The following JAG1 variants were observed in gnomAD, a reference collection of about 807,000 sequenced individuals.
The protein encoded by JAG1 is protein jagged-1.
Under a neutral mutation model 148.7 loss-of-function variants are expected in JAG1, and 23 were observed. The observed-to-expected ratio is 0.15, with a 90% CI of 0.11 to 0.22. The LOEUF is 0.22. Among genes scored for constraint, JAG1 ranks in the 10% least tolerant of loss-of-function variants. The pLI is 1.00. For missense variants in JAG1, 1,054 were observed against 1,611.2 expected (o/e 0.65, Z 5.92); for synonymous variants, 572 against 598.3 (o/e 0.96, Z 0.64).
At chr20:10,658,133 C>A (rs1005565903) in intron 4 of JAG1, among the ~76,000 whole-genome samples, 1 of 152,202 alleles carries the variant, frequency 6.6e-6, no homozygotes, top group African/African-American at 2.4e-5. Flanking sequence ...GCAAAGGAAG[C>A]TGGGCTTTGT....
At chr20:10,666,279 G>T (rs1002458316) in intron 2 of JAG1, among the ~76,000 whole-genome samples, 1 of 152,160 alleles carries the variant, frequency 6.6e-6, no homozygotes, top group Non-Finnish European at 1.5e-5. Flanking sequence ...ATTATTAGTT[G>T]CTAGAGAACT....
chr20:10,646,201 C>G (rs987297685), intron 14 of JAG1, 117 bp from the exon 15 acceptor site: 15 of 737,830 alleles, frequency 2.0e-5, no homozygotes, highest in Non-Finnish European at 3.6e-5. Flanking sequence ...CCTCCACCTG[C>G]TACCCTCCAT....
At chr20:10,668,625 T>C (rs1230556041) in intron 2 of JAG1, among the ~76,000 whole-genome samples, 3 of 152,096 alleles carry the variant, frequency 2.0e-5, no homozygotes, top group Middle Eastern at 3.4e-3. Context: ...TTCACATTCC[T>C]GTTTTCAGAT....
At chr20:10,660,508 TTC>T (rs1190930388) in intron 3 of JAG1, among the ~76,000 whole-genome samples, 3 of 152,340 alleles carry the variant, frequency 2.0e-5, no homozygotes, top group African/African-American at 7.2e-5. Context: ...GGCATCCAGC[TTC>T]TGAGGCTGGT....
chr20:10,649,029 C>CA (rs751174763), intron 11 of JAG1, 32 bp downstream of exon 11: 1 of 1,562,666 alleles, frequency 6.4e-7, no homozygotes, highest in South Asian at 1.1e-5. Flanking sequence ...TGTCAATTGT[C>CA]AAAGTTTTGA....
rs779418088 is a variant in JAG1 at position 10,649,125 on chromosome 20, C to T, written c.1349-18G>A. ...ATTAATATCTAAAAAATAAATAAGT[C>T]ATCATTTTAAAGAGGTAATTTACAG... On this transcript the variant is annotated intron_variant, in intron 10 of 25. Coordinates refer to ENST00000254958, the MANE Select transcript of JAG1 (RefSeq NM_000214.3). 5 of 1,571,720 alleles carry T rather than the reference C, an allele frequency of 3.2e-6. No individual in the cohort carries two copies. Among genetic ancestry groups the T allele is most frequent in the Middle Eastern group, 1.7e-4 (1 of 5,998 alleles).
At position 10,639,416 on chromosome 20, in the gene JAG1, C is replaced by G; in HGVS notation, c.*82G>C. 1 of 1,239,800 alleles carries G rather than the reference C, an allele frequency of 8.1e-7. No homozygotes were observed. The highest frequency in any genetic ancestry group is 1.5e-5 in the African/African-American group (1 of 67,882). 76.8% of individuals were successfully genotyped at this position (1,239,800 alleles called of 1,614,324 possible). ...CACAGGGATTCTAAGTCAGCAACGG[C>G]CTCAGACTCGAGTATGACACGACAG... On this transcript the variant is annotated 3_prime_UTR_variant, in exon 26 of 26. Coordinates refer to ENST00000254958, the MANE Select transcript of JAG1 (RefSeq NM_000214.3).
intron 4 of JAG1, among the ~76,000 whole-genome samples, chr20:10,657,909 A>G (rs2067389015): frequency 6.6e-6 from 1 of 152,220 alleles, no homozygotes; most frequent in Non-Finnish European, 1.5e-5. Flanking sequence ...TGTTCAGACA[A>G]CAACTGGGCT....
chr20:10,646,011 G>A lies in JAG1; in HGVS notation c.1959C>T (p.Cys653=). The A allele has an allele frequency of 1.2e-6, 2 of 1,613,958 alleles. No homozygotes were observed. The highest frequency in any genetic ancestry group is 1.7e-6 in the Non-Finnish European group (2 of 1,179,842). The part of the protein sequence containing the change: ...TCIDGVNSYK[C]ICSDGWEGAY... ...CCCCCTCCCAGCCGTCACTACAGAT[G>A]CACTTGTAGGAGTTGACACCATCGA... is the stretch of plus-strand genomic sequence containing the variant. Residue 653 remains cysteine (C), a synonymous_variant, in exon 15 of 26, where the codon TGC becomes TGT. Coordinates refer to ENST00000254958, the MANE Select transcript of JAG1 (RefSeq NM_000214.3).
chr20:10,641,404 T>TAAA, intron 23 of JAG1, 56 bp downstream of exon 23: 1 of 1,548,508 alleles, frequency 6.5e-7, no homozygotes. Flanking sequence ...ATTCCTCCTT[T>TAAA]AAAGCAAGCA....
intron 5 of JAG1, among the ~76,000 whole-genome samples, chr20:10,653,565 GGTGGAGC>G: frequency 6.7e-6 from 1 of 149,050 alleles, no homozygotes; most frequent in East Asian, 2.0e-4. Flanking sequence ...CTAGCCTCCC[GGTGGAGC>G]GTGGAGGGTG....
At chr20:10,662,249 G>A (rs1452476017) in intron 3 of JAG1, 1 of 152,118 alleles carries the variant, frequency 6.6e-6, no homozygotes, top group Non-Finnish European at 1.5e-5. Flanking sequence ...CCCCCCAGGA[G>A]ATGAAACATC....
chr20:10,654,602 T>G (rs780013117), intron 5 of JAG1, among the ~76,000 whole-genome samples: 8 of 152,198 alleles, frequency 5.3e-5, no homozygotes, highest in Non-Finnish European at 7.3e-5. Flanking sequence ...GCCATTCAAC[T>G]ATTTCTGCAG....
intron 2 of JAG1, among the ~76,000 whole-genome samples, chr20:10,668,545 C>T (rs904265367): frequency 1.2e-4 from 19 of 152,176 alleles, no homozygotes; most frequent in African/African-American, 4.1e-4. Context: ...GAAAGCCGGA[C>T]ATTGGGACCA....
intron 8 of JAG1, chr20:10,650,782 C>T (rs1398738599): frequency 1.6e-5 from 4 of 242,922 alleles, no homozygotes; most frequent in South Asian, 1.1e-4. Context: ...CAAAATAGCA[C>T]ACCTAGAGGC....
chr20:10,646,023 G>C lies in JAG1; in HGVS notation c.1947C>G (p.Asn649Lys). 1 of 1,614,078 alleles carries C rather than the reference G, an allele frequency of 6.2e-7. No individual in the cohort carries two copies. The highest frequency in any genetic ancestry group is 8.5e-7 in the Non-Finnish European group (1 of 1,179,954). Residue 649 changes from asparagine (N) to lysine (K), a missense_variant, in exon 15 of 26, where the codon AAC (asparagine) becomes AAG (lysine). By Grantham distance (94) the Asn-to-Lys change is moderately conservative. Coordinates refer to ENST00000254958, the MANE Select transcript of JAG1 (RefSeq NM_000214.3). The stretch of plus-strand genomic sequence containing the variant: ...CGTCACTACAGATGCACTTGTAGGA[G>C]TTGACACCATCGATGCAAGTGCCAC... Reference protein sequence around the residue: ...RNGGTCIDGVNSYKCICSDGW... With the variant: ...RNGGTCIDGVKSYKCICSDGW...
intron 2 of JAG1, among the ~76,000 whole-genome samples, chr20:10,669,612 T>C (rs1313650830): frequency 9.0e-6 from 1 of 111,076 alleles, no homozygotes. Flanking sequence ...AGTCTTTTAA[T>C]AGGATCAATG....
At chr20:10,666,696 C>G (rs953281303) in intron 2 of JAG1, among the ~76,000 whole-genome samples, 1 of 152,182 alleles carries the variant, frequency 6.6e-6, no homozygotes, top group Admixed American at 6.5e-5. Context: ...TCTGGATTTG[C>G]AAAGTGAGTC....
At chr20:10,655,284 C>T (rs993757597) in intron 5 of JAG1, among the ~76,000 whole-genome samples, 2 of 152,232 alleles carry the variant, frequency 1.3e-5, no homozygotes, top group Non-Finnish European at 2.9e-5. Flanking sequence ...ATGTGGCCAG[C>T]TTGTCAAATG....
Sources: gnomAD v4.1 joint callset for allele counts (sites outside exome capture counted in the v4.1 genomes callset) on GRCh38, gnomAD v4.1.1 for gene constraint, MANE v1.5 for transcripts, NCBI Gene and HGNC (gene_info 2026-07-23, HGNC 2026-07-21) for gene names.